The following FIGN variants were observed in gnomAD, a reference collection of about 807,000 sequenced individuals.
The protein encoded by FIGN is fidgetin, microtubule severing factor, also known as fidgetin.
FIGN carries 11 observed loss-of-function variants against 51.3 expected under a neutral mutation model. The observed-to-expected ratio is 0.21, with a 90% CI of 0.13 to 0.35. FIGN has a LOEUF of 0.35. Ranked by LOEUF, FIGN falls within the 10% of genes least tolerant of loss-of-function variation. The pLI, the probability that FIGN is intolerant of heterozygous loss-of-function variation, is 1.00. For missense variants in FIGN, 857 were observed against 943.6 expected (o/e 0.91, Z 1.20); for synonymous variants, 407 against 363.2 (o/e 1.12, Z -1.37).
chr2:163,681,903 C>T (rs1294746943), intron 2 of FIGN, among the ~76,000 whole-genome samples: 2 of 152,124 alleles, frequency 1.3e-5, no homozygotes, highest in Admixed American at 6.6e-5. Flanking sequence ...AGACAATTCT[C>T]ACTAGTCCAG....
chr2:163,655,324 A>G (rs777680794), intron 2 of FIGN, among the ~76,000 whole-genome samples: 3 of 152,206 alleles, frequency 2.0e-5, no homozygotes, highest in Non-Finnish European at 4.4e-5. Flanking sequence ...CATAACTTCA[A>G]GGACCTCAGA....
intron 2 of FIGN, among the ~76,000 whole-genome samples, chr2:163,703,120 T>C (rs1684436370): frequency 6.6e-6 from 1 of 152,044 alleles, no homozygotes; most frequent in African/African-American, 2.4e-5. Context: ...TTAGCAGTTT[T>C]TTTGTAATTG....
In FIGN at chr2:163,666,690, G is replaced by A. The variant is rs148534934; in HGVS notation, c.26-54884C>T. Among the ~76,000 whole-genome samples, 37 of 152,194 alleles carry A rather than the reference G, an allele frequency of 2.4e-4. No individual in the cohort carries two copies. In the East Asian group the frequency reaches 6.8e-3, roughly 28 times the overall value. ...TGACCCAGTGGAACCCAAGAACCAT[G>A]TCTTGTGGATAAAAATATCAAGGTA... On this transcript the variant is annotated intron_variant, in intron 2 of 2. Transcript: ENST00000333129.
intron 2 of FIGN, among the ~76,000 whole-genome samples, chr2:163,663,610 C>T (rs1033957241): frequency 2.6e-5 from 4 of 151,480 alleles, no homozygotes; most frequent in Admixed American, 1.3e-4. Flanking sequence ...CTGCCGGGCA[C>T]GGTGGCTCAC....
intron 2 of FIGN, among the ~76,000 whole-genome samples, chr2:163,679,627 T>C (rs1401439655): frequency 6.6e-6 from 1 of 152,250 alleles, no homozygotes; most frequent in African/African-American, 2.4e-5. Context: ...GTTGGATTTC[T>C]TAAGCCAACA....
chr2:163,714,387 C>A (rs989908904), intron 2 of FIGN, among the ~76,000 whole-genome samples: 9 of 152,126 alleles, frequency 5.9e-5, no homozygotes, highest in Non-Finnish European at 1.3e-4. Context: ...TGTGTCTAAT[C>A]ACATCTAGGA....
chr2:163,691,075 A>G (rs1684232598), intron 2 of FIGN, among the ~76,000 whole-genome samples: 2 of 152,128 alleles, frequency 1.3e-5, no homozygotes, highest in Non-Finnish European at 1.5e-5. Context: ...GGACTCAAAA[A>G]TAAACTTTTT....
chr2:163,647,524 C>T (rs1415141009), intron 2 of FIGN, among the ~76,000 whole-genome samples: 1 of 152,088 alleles, frequency 6.6e-6, no homozygotes, highest in African/African-American at 2.4e-5. Context: ...CCTTGACTGT[C>T]ATTCTGCAGA....
At chr2:163,660,551 T>C (rs1180698287) in intron 2 of FIGN, among the ~76,000 whole-genome samples, 1 of 151,142 alleles carries the variant, frequency 6.6e-6, no homozygotes, top group African/African-American at 2.4e-5. Flanking sequence ...CTTAATTTCA[T>C]ACAACCTCCA....
At chr2:163,629,306 G>A (rs551715696) in intron 2 of FIGN, among the ~76,000 whole-genome samples, 2 of 152,268 alleles carry the variant, frequency 1.3e-5, no homozygotes, top group African/African-American at 4.8e-5. Flanking sequence ...CATCAGAGAA[G>A]TCAAGTATGA....
intron 2 of FIGN, among the ~76,000 whole-genome samples, chr2:163,654,278 G>T (rs569437666): frequency 1.2e-4 from 18 of 152,178 alleles, no homozygotes; most frequent in Non-Finnish European, 1.3e-4. Flanking sequence ...GTATTTGAAA[G>T]AAGACATTTT....
At chr2:163,629,952 CTT>C (rs71297448) in intron 2 of FIGN, among the ~76,000 whole-genome samples, 506 of 56,798 alleles carry the variant, frequency 8.9e-3, no homozygotes, top group African/African-American at 0.016. Flanking sequence ...GAAAGGGGCA[CTT>C]TTTTTTTTTT....
At chr2:163,728,126 G>A (rs1294369612) in intron 2 of FIGN, among the ~76,000 whole-genome samples, 1 of 151,906 alleles carries the variant, frequency 6.6e-6, no homozygotes, top group African/African-American at 2.4e-5. Flanking sequence ...TAATGTCCAC[G>A]TATCAATACT....
chr2:163,729,519 T>C (rs1264381204), intron 2 of FIGN, among the ~76,000 whole-genome samples: 1 of 152,110 alleles, frequency 6.6e-6, no homozygotes, highest in African/African-American at 2.4e-5. Flanking sequence ...CCTCTTCCTA[T>C]GAAAATGAGA....
At chr2:163,681,410 T>G (rs1216030782) in intron 2 of FIGN, among the ~76,000 whole-genome samples, 1 of 152,140 alleles carries the variant, frequency 6.6e-6, no homozygotes, top group Non-Finnish European at 1.5e-5. Context: ...TTTATCTTTT[T>G]AAAAATGTGA....
chr2:163,666,500 T>C (rs991402941), intron 2 of FIGN, among the ~76,000 whole-genome samples: 3 of 152,146 alleles, frequency 2.0e-5, no homozygotes, highest in African/African-American at 7.2e-5. Flanking sequence ...AGTTCTAGGC[T>C]CCAATGCTTA....
chr2:163,705,083 T>A (rs1684477658), intron 2 of FIGN, among the ~76,000 whole-genome samples: 1 of 152,176 alleles, frequency 6.6e-6, no homozygotes, highest in East Asian at 1.9e-4. Flanking sequence ...AATGGATGTA[T>A]GTTTTTATTC....
In FIGN at chr2:163,603,805, T is replaced by C. The variant is rs1691027603; in HGVS notation, c.*5747A>G. 1 of 152,106 alleles carries C rather than the reference T, an allele frequency of 6.6e-6. No homozygotes were observed. The highest frequency in any genetic ancestry group is 6.6e-5 in the Admixed American group (1 of 15,240). 9.4% of individuals were successfully genotyped at this position (152,106 alleles called of 1,614,324 possible). On this transcript the variant is annotated 3_prime_UTR_variant, in exon 3 of 3. Coordinates refer to ENST00000333129, the MANE Select transcript of FIGN (RefSeq NM_018086.4). The stretch of plus-strand genomic sequence containing the variant: ...GTGGTGAACCCCTTTCAGCATTTTT[T>C]AAAACTAAGTGTTCTTTTGCTACTG...
intron 2 of FIGN, among the ~76,000 whole-genome samples, chr2:163,658,364 GCTCTCTCTCTCTCTCTCTCTCTCT>G (rs55894952): frequency 4.4e-5 from 6 of 137,692 alleles, no homozygotes; most frequent in African/African-American, 8.3e-5. Context: ...TTAAGAAACA[GCTCTCTCTCTCTCTCTCTCTCTCT>G]CTCTCTCTCT....
Sources: gnomAD v4.1 joint callset for allele counts (sites outside exome capture counted in the v4.1 genomes callset) on GRCh38, gnomAD v4.1.1 for gene constraint, MANE v1.5 for transcripts, NCBI Gene and HGNC (gene_info 2026-07-23, HGNC 2026-07-21) for gene names.